LCOR: variants seen among roughly 807,000 people sequenced by gnomAD.
LCOR encodes the protein ligand dependent nuclear receptor corepressor, also known as ligand-dependent corepressor.
Under a neutral mutation model 64.4 loss-of-function variants are expected in LCOR, and 14 were observed. The observed-to-expected ratio is 0.22, with a 90% CI of 0.14 to 0.34. The LOEUF (loss-of-function observed/expected upper bound fraction) is 0.34, where lower values mean the gene tolerates loss of function less well. LCOR is among the 10% of genes least tolerant of loss of function. The pLI, the probability that LCOR is intolerant of heterozygous loss-of-function variation, is 1.00. For missense variants in LCOR, 1,686 were observed against 1,765.3 expected (o/e 0.96, Z 0.80); for synonymous variants, 643 against 642.5 (o/e 1.00, Z -0.01).
At position 96,985,018 on chromosome 10, in the gene LCOR, ACT is replaced by A. The variant is rs761863945; in HGVS notation, c.4560_4561del (p.Arg1521GlyfsTer50). 6.2e-7 allele frequency: 1 copy of A among 1,614,140 alleles called. No homozygotes were observed. The highest frequency in any genetic ancestry group is 1.1e-5 in the South Asian group (1 of 91,072). On this transcript the variant is annotated frameshift_variant, in exon 8 of 8. Transcript: ENST00000421806. LOFTEE classifies it high-confidence loss of function. ...ATNRKQSSGK[T>X]RARPSTKTPE... is the part of the protein sequence containing the mutation. Reference sequence around the variant, plus strand: ...GAATAGGAAGCAGAGTAGTGGAAAGACTCGGGCCAGACCCTCAACGAAAACCC... The same window carrying A: ...GAATAGGAAGCAGAGTAGTGGAAAGACGGGCCAGACCCTCAACGAAAACCC...
chr10:96,912,840 A>G (rs1401931494), intron 4 of LCOR, among the ~76,000 whole-genome samples: 1 of 151,968 alleles, frequency 6.6e-6, no homozygotes, highest in Non-Finnish European at 1.5e-5. Context: ...TTTCTTCTAC[A>G]TTTATGAGTT....
At chr10:96,958,915 A>C (rs1847827617) in intron 7 of LCOR, 1 of 152,046 alleles carries the variant, frequency 6.6e-6, no homozygotes. Context: ...TTAAAAAAAA[A>C]AAAAAAAAAA....
At chr10:96,934,537 C>T (rs1410798540) in intron 4 of LCOR, among the ~76,000 whole-genome samples, 1 of 152,150 alleles carries the variant, frequency 6.6e-6, no homozygotes, top group Non-Finnish European at 1.5e-5. Context: ...GTGGCCCAGT[C>T]TCTGCATCCT....
chr10:96,965,006 TAA>T (rs199815564), intron 7 of LCOR, among the ~76,000 whole-genome samples: 1 of 151,628 alleles, frequency 6.6e-6, no homozygotes, highest in African/African-American at 2.4e-5. Context: ...GCTCAACATT[TAA>T]AAAAAATTTT....
In LCOR at chr10:96,984,091, C is replaced by A; in HGVS notation, c.3631C>A (p.Pro1211Thr). 2.5e-6 allele frequency: 4 copies of A among 1,614,104 alleles called. No homozygotes were observed. Among genetic ancestry groups the A allele is most frequent in the Non-Finnish European group, 3.4e-6 (4 of 1,179,984 alleles). The change falls in exon 8 of 8, where the codon CCC becomes ACC. Residue 1211 changes from proline (P) to threonine (T), a missense_variant. Transcript: ENST00000421806. The part of the protein sequence containing the change: ...KLNTRLPGDV[P>T]PVKHPLQKYA... ...CAATACTCGCCTTCCAGGAGACGTT[C>A]CCCCTGTCAAGCATCCTCTTCAGAA... is the stretch of plus-strand genomic sequence containing the variant.
intron 7 of LCOR, among the ~76,000 whole-genome samples, chr10:96,966,575 CAT>C (rs1847953485): frequency 6.6e-6 from 1 of 152,020 alleles, no homozygotes; most frequent in Non-Finnish European, 1.5e-5. Context: ...ATGCTCGGGA[CAT>C]GTGGTATTAG....
chr10:96,949,236 A>G lies in LCOR; in HGVS notation c.179A>G (p.Asp60Gly). The G allele has an allele frequency of 6.2e-7, 1 of 1,614,168 alleles. No individual in the cohort carries two copies. Among genetic ancestry groups the G allele is most frequent in the Non-Finnish European group, 8.5e-7 (1 of 1,180,018 alleles). Residue 60 changes from aspartate (D) to glycine (G), a missense_variant, in exon 6 of 8, where the codon GAC (aspartate) becomes GGC (glycine). Asp to Gly is a moderately conservative substitution (Grantham distance 94). Coordinates refer to ENST00000421806, the MANE Select transcript of LCOR (RefSeq NM_001346516.2). ...GTGCTCAGCAAACTTCTCATGGCTG[A>G]CCAAGACTCACCTCTGGACCTTACT... ...NPVLSKLLMA[D>G]QDSPLDLTVR...
chr10:96,937,095 G>C (rs1323933833), intron 4 of LCOR, among the ~76,000 whole-genome samples: 1 of 152,206 alleles, frequency 6.6e-6, no homozygotes, highest in Non-Finnish European at 1.5e-5. Flanking sequence ...TGTTGGATTA[G>C]AGTGGACCCT....
chr10:96,882,810 A>G (rs1846284141), intron 2 of LCOR, among the ~76,000 whole-genome samples: 2 of 151,998 alleles, frequency 1.3e-5, no homozygotes, highest in South Asian at 2.1e-4. Flanking sequence ...AGAATTTTCC[A>G]TAGTTGGAAT....
At chr10:96,916,467 C>T (rs1846946582) in intron 4 of LCOR, among the ~76,000 whole-genome samples, 1 of 151,868 alleles carries the variant, frequency 6.6e-6, no homozygotes, top group South Asian at 2.1e-4. Context: ...TGTCATCTTA[C>T]ACCAGAATAC....
intron 2 of LCOR, among the ~76,000 whole-genome samples, chr10:96,888,571 C>T (rs1401229074): frequency 2.6e-5 from 4 of 151,878 alleles, no homozygotes; most frequent in African/African-American, 2.4e-5. Context: ...GCACATACCT[C>T]AGTGAATTAA....
chr10:96,861,655 C>T (rs1285919155), intron 2 of LCOR, among the ~76,000 whole-genome samples: 1 of 152,134 alleles, frequency 6.6e-6, no homozygotes, highest in Non-Finnish European at 1.5e-5. Flanking sequence ...AAGTGATTCT[C>T]CTGCCTCAGG....
chr10:96,903,805 G>C (rs1393784884), intron 2 of LCOR, among the ~76,000 whole-genome samples: 4 of 152,052 alleles, frequency 2.6e-5, no homozygotes, highest in South Asian at 4.1e-4. Flanking sequence ...TGATTAAATC[G>C]GAAGCTAATC....
At chr10:96,939,532 A>G (rs1325817755) in intron 4 of LCOR, among the ~76,000 whole-genome samples, 1 of 152,250 alleles carries the variant, frequency 6.6e-6, no homozygotes, top group Admixed American at 6.5e-5. Context: ...AGTACCATCA[A>G]TACTATCAAA....
chr10:96,926,468 C>T (rs1181242584), intron 4 of LCOR, among the ~76,000 whole-genome samples: 2 of 152,070 alleles, frequency 1.3e-5, no homozygotes, highest in Non-Finnish European at 2.9e-5. Flanking sequence ...AAAATCATTT[C>T]TTTGATTTCA....
rs1189839440 is a variant in LCOR at position 96,981,723 on chromosome 10, T to C, written c.1263T>C (p.Asp421=). 6.2e-7 allele frequency: 1 copy of C among 1,614,074 alleles called. No homozygotes were observed. Among genetic ancestry groups the C allele is most frequent in the Non-Finnish European group, 8.5e-7 (1 of 1,180,054 alleles). Residue 421 remains aspartate, a synonymous_variant, in exon 8 of 8, where the codon GAT becomes GAC. Transcript: ENST00000421806. ...SDKGQFDHSK[D]GWLGPGPMPA... ...AGGGCCAGTTTGATCATTCCAAAGA[T>C]GGTTGGTTAGGCCCCGGCCCTATGC...
At position 96,916,513 on chromosome 10, in the gene LCOR, G is replaced by GATATAA. The variant is rs1333707249; in HGVS notation, c.-184+8767_-184+8768insTATAAA. 2.7e-5 allele frequency among the ~76,000 whole-genome samples: 4 copies of GATATAA among 150,330 alleles called. No homozygotes were observed. The South Asian group carries it at 8.4e-4, about 32-fold the overall frequency. On this transcript the variant is annotated intron_variant, in intron 4 of 7. Transcript: ENST00000421806. ...TAAGTATTTACCTGTGATATAAAAG[G>GATATAA]AACTATGGAAGAAAAAATTTCAATA...
chr10:96,878,834 G>T (rs1846213495), intron 2 of LCOR, among the ~76,000 whole-genome samples: 2 of 151,808 alleles, frequency 1.3e-5, no homozygotes, highest in Admixed American at 1.3e-4. Context: ...TGGCTCTGTT[G>T]CAAGCTGTAG....
chr10:96,904,155 C>A (rs1438840031), intron 2 of LCOR, among the ~76,000 whole-genome samples: 1 of 152,086 alleles, frequency 6.6e-6, no homozygotes, highest in Non-Finnish European at 1.5e-5. Flanking sequence ...GTTGAACAGT[C>A]CCTGGCAGAT....
Sources: allele counts gnomAD v4.1 joint callset (sites outside exome capture counted in the v4.1 genomes callset), GRCh38; gene constraint gnomAD v4.1.1; transcripts MANE v1.5; gene names NCBI Gene and HGNC (gene_info 2026-07-23, HGNC 2026-07-21).